POLE4: variants seen among roughly 807,000 people sequenced by gnomAD.
The protein encoded by POLE4 is DNA polymerase epsilon 4, accessory subunit.
A neutral mutation model predicts 15.6 loss-of-function variants in POLE4; 15 were observed. The observed-to-expected ratio is 0.96, with a 90% CI of 0.64 to 1.48. POLE4 has a LOEUF of 1.48. POLE4 is among the 40% of genes most tolerant of loss of function. POLE4 has a pLI of 0.00. For synonymous variants in POLE4, 83 were observed against 63.2 expected, an observed-to-expected ratio of 1.31 and a Z score of -1.49; for missense variants, 205 against 151.9, an observed-to-expected ratio of 1.35 and a Z score of -1.84.
At chr2:74,965,530 G>A (rs1471228602) in intron 3 of POLE4, among the ~76,000 whole-genome samples, 2 of 152,172 alleles carry the variant, frequency 1.3e-5, no homozygotes, top group Non-Finnish European at 2.9e-5. Flanking sequence ...GTATAATTTA[G>A]ATTTTCTGTG....
intron 3 of POLE4, among the ~76,000 whole-genome samples, chr2:74,964,790 A>G (rs1181518530): frequency 6.6e-6 from 1 of 152,132 alleles, no homozygotes; most frequent in Non-Finnish European, 1.5e-5. Context: ...ATCATCTGCC[A>G]ATAATAATAA....
intron 3 of POLE4, 35 bp downstream of exon 3, chr2:74,960,181 T>C (rs761463077): frequency 2.6e-6 from 4 of 1,565,582 alleles, no homozygotes; most frequent in Non-Finnish European, 3.5e-6. Flanking sequence ...CATTTCCGCC[T>C]GTCTTTTGCA....
intron 1 of POLE4, 103 bp from the exon 2 acceptor site, chr2:74,959,238 C>A: frequency 1.4e-6 from 1 of 700,728 alleles, no homozygotes; most frequent in Non-Finnish European, 2.5e-6. Context: ...TTTTCTTGCC[C>A]CGAGCCTTTC....
intron 3 of POLE4, among the ~76,000 whole-genome samples, chr2:74,967,513 A>C (rs1042266898): frequency 6.6e-6 from 1 of 152,104 alleles, no homozygotes; most frequent in Admixed American, 6.5e-5. Flanking sequence ...TAGTAAACAC[A>C]GTTGTTTTAT....
chr2:74,966,413 A>G (rs1410549467), intron 3 of POLE4, among the ~76,000 whole-genome samples: 2 of 151,900 alleles, frequency 1.3e-5, no homozygotes, highest in African/African-American at 2.4e-5. Flanking sequence ...CTGGATTATT[A>G]TTATTTTTGA....
At chr2:74,964,444 A>G (rs1671269038) in intron 3 of POLE4, among the ~76,000 whole-genome samples, 1 of 152,124 alleles carries the variant, frequency 6.6e-6, no homozygotes, top group African/African-American at 2.4e-5. Context: ...TGAACCTTTC[A>G]TTTTATAAAT....
intron 2 of POLE4, 130 bp from the exon 3 acceptor site, chr2:74,959,975 G>C: frequency 1.4e-6 from 1 of 713,334 alleles, no homozygotes; most frequent in Non-Finnish European, 2.5e-6. Flanking sequence ...TCTCAAGGCA[G>C]CAAGGGACGC....
intron 3 of POLE4, among the ~76,000 whole-genome samples, chr2:74,966,995 T>C (rs1321396782): frequency 6.6e-6 from 1 of 152,208 alleles, no homozygotes; most frequent in Non-Finnish European, 1.5e-5. Context: ...ATCCTTTTTG[T>C]TTTTTGTCTG....
At chr2:74,960,360 TAAAG>T in intron 3 of POLE4, 1 of 588,362 alleles carries the variant, frequency 1.7e-6, no homozygotes, top group Non-Finnish European at 3.0e-6. Context: ...TTGCTAACCA[TAAAG>T]AAATAGGAGG....
chr2:74,968,872 T>C (rs1387334660), intron 3 of POLE4, among the ~76,000 whole-genome samples: 1 of 152,070 alleles, frequency 6.6e-6, no homozygotes, highest in African/African-American at 2.4e-5. Context: ...TTTCCTCTGC[T>C]CTATTTATAA....
At chr2:74,962,393 G>A (rs140722735) in intron 3 of POLE4, among the ~76,000 whole-genome samples, 93 of 152,090 alleles carry the variant, frequency 6.1e-4, no homozygotes, top group African/African-American at 2.1e-3. Flanking sequence ...AATAACATTT[G>A]TATCTTATCA....
At chr2:74,964,343 G>T (rs111382800) in intron 3 of POLE4, among the ~76,000 whole-genome samples, 3,110 of 152,060 alleles carry the variant, frequency 0.02, 84 homozygotes, top group African/African-American at 0.055. Context: ...GTACATTTTA[G>T]AATCTGTCAA....
chr2:74,960,875 C>CT (rs1190026846), intron 3 of POLE4, among the ~76,000 whole-genome samples: 1 of 152,156 alleles, frequency 6.6e-6, no homozygotes, highest in Admixed American at 6.5e-5. Context: ...AATACATTAC[C>CT]TTTTCTATGT....
In POLE4 at chr2:74,959,621, G is replaced by C; in HGVS notation, c.298+196G>C. On this transcript the variant is annotated intron_variant, in intron 2 of 3. Coordinates refer to ENST00000483063, the MANE Select transcript of POLE4 (RefSeq NM_019896.4). Reference sequence around the variant, plus strand: ...TTGGGGTGGCGGGGCAGTGTGTGAAGGTGTCTGGGGTTGCCGTAGCGGACT... The same window carrying C: ...TTGGGGTGGCGGGGCAGTGTGTGAACGTGTCTGGGGTTGCCGTAGCGGACT... The C allele has an allele frequency of 7.5e-6, 4 of 531,490 alleles. No individual in the cohort carries two copies. In the South Asian group the frequency reaches 1.0e-4, roughly 14 times the overall value. The allele number at this position is 531,490 out of a possible 1,614,324, so 32.9% of individuals were successfully genotyped here. A position where few individuals can be genotyped will look rare whatever the true frequency, so the allele number is the denominator to read the frequency against.
intron 3 of POLE4, among the ~76,000 whole-genome samples, chr2:74,964,679 T>G (rs957133280): frequency 6.6e-6 from 1 of 152,160 alleles, no homozygotes; most frequent in African/African-American, 2.4e-5. Context: ...TTAGCTGTTA[T>G]TCTTAGTTTT....
In POLE4 at chr2:74,969,367, T is replaced by A. The variant is rs377156012; in HGVS notation, c.341-42T>A. Reference sequence around the variant, plus strand: ...CCCAGCTTGTTACACTAATCCAGCTTCTGAGGTCCCCTGATATACTCATTG... The same window carrying A: ...CCCAGCTTGTTACACTAATCCAGCTACTGAGGTCCCCTGATATACTCATTG... On this transcript the variant is annotated intron_variant, in intron 3 of 3. Coordinates refer to ENST00000483063, the MANE Select transcript of POLE4 (RefSeq NM_019896.4). The A allele has an allele frequency of 3.1e-6, 5 of 1,604,512 alleles. No homozygotes were observed. The South Asian group carries it at 4.4e-5, about 14-fold the overall frequency.
At chr2:74,963,130 T>G (rs1456246850) in intron 3 of POLE4, among the ~76,000 whole-genome samples, 1 of 152,234 alleles carries the variant, frequency 6.6e-6, no homozygotes, top group East Asian at 1.9e-4. Flanking sequence ...GATGTATATG[T>G]GTGTATAAAA....
intron 3 of POLE4, 35 bp from the exon 4 acceptor site, chr2:74,969,374 T>C (rs1212344529): frequency 6.2e-7 from 1 of 1,609,960 alleles, no homozygotes; most frequent in Non-Finnish European, 8.5e-7. Flanking sequence ...GCTTCTGAGG[T>C]CCCCTGATAT....
intron 3 of POLE4, among the ~76,000 whole-genome samples, chr2:74,966,137 T>G (rs1671292885): frequency 6.6e-6 from 1 of 152,138 alleles, no homozygotes; most frequent in African/African-American, 2.4e-5. Flanking sequence ...ATGCTCTATT[T>G]CTATTCTTTT....
Sources: allele counts gnomAD v4.1 joint callset (sites outside exome capture counted in the v4.1 genomes callset), GRCh38; gene constraint gnomAD v4.1.1; transcripts MANE v1.5; gene names NCBI Gene and HGNC (gene_info 2026-07-23, HGNC 2026-07-21).